The following C10orf67 variants were observed in gnomAD, a reference collection of about 807,000 sequenced individuals.
C10orf67 encodes uncharacterized protein C10orf67, mitochondrial.
In C10orf67, 60 loss-of-function variants were observed where a neutral mutation model predicts 35.6. The ratio of observed to expected loss-of-function variants is 1.68; its 90% CI spans 1.37 to 2.09. The LOEUF (loss-of-function observed/expected upper bound fraction) is 2.09. Ranked by LOEUF, C10orf67 falls within the 30% of genes most tolerant of loss-of-function variation. The pLI is 0.00. For synonymous variants in C10orf67, 167 were observed against 115.8 expected (o/e 1.44, Z -2.84); for missense variants, 474 against 330.2 (o/e 1.44, Z -3.38).
chr10:23,308,604 T>C (rs1451298548), intron 4 of C10orf67, among the ~76,000 whole-genome samples: 1 of 152,120 alleles, frequency 6.6e-6, no homozygotes, highest in Admixed American at 6.6e-5. Context: ...AGTTCCCTCT[T>C]AGCCGACCCA....
intron 15 of C10orf67, among the ~76,000 whole-genome samples, chr10:23,207,030 C>T (rs1323185069): frequency 3.3e-5 from 5 of 152,198 alleles, no homozygotes; most frequent in Non-Finnish European, 7.3e-5. Flanking sequence ...CTGTGCCATA[C>T]TCTTGATAAA....
chr10:23,317,773 CT>C (rs1265523571), intron 4 of C10orf67: 1 of 152,014 alleles, frequency 6.6e-6, no homozygotes, highest in Non-Finnish European at 1.5e-5. Context: ...CTCCTTCCCT[CT>C]TTCTCTTTCT....
chr10:23,267,381 G>A, intron 8 of C10orf67, 127 bp from the exon 9 acceptor site: 6 of 527,486 alleles, frequency 1.1e-5, no homozygotes, highest in East Asian at 2.9e-5. Context: ...AAACGATTAT[G>A]GGATAAAAGT....
At chr10:23,261,629 T>A (rs913257000) in intron 10 of C10orf67, among the ~76,000 whole-genome samples, 5 of 152,180 alleles carry the variant, frequency 3.3e-5, no homozygotes, top group African/African-American at 1.2e-4. Flanking sequence ...AAGATTTTTT[T>A]AAAGCCTAAA....
intron 12 of C10orf67, among the ~76,000 whole-genome samples, chr10:23,245,602 T>C (rs913818375): frequency 3.9e-5 from 6 of 151,984 alleles, no homozygotes; most frequent in African/African-American, 1.4e-4. Flanking sequence ...ATATGAAAAA[T>C]TGCTCAATAT....
chr10:23,206,838 T>C (rs1841170333), intron 15 of C10orf67, among the ~76,000 whole-genome samples: 1 of 152,214 alleles, frequency 6.6e-6, no homozygotes, highest in African/African-American at 2.4e-5. Context: ...GTTTATAATT[T>C]ATTATTAGAG....
chr10:23,319,648 T>C (rs1332167970), intron 4 of C10orf67, among the ~76,000 whole-genome samples: 1 of 152,222 alleles, frequency 6.6e-6, no homozygotes, highest in East Asian at 1.9e-4. Flanking sequence ...AGTGTTCCCT[T>C]TTCTCTGCAA....
intron 13 of C10orf67, among the ~76,000 whole-genome samples, chr10:23,224,355 A>T (rs1050464710): frequency 2.0e-5 from 3 of 152,234 alleles, no homozygotes; most frequent in Non-Finnish European, 1.5e-5. Flanking sequence ...CAGAAAGGAC[A>T]TCCACACCAA....
chr10:23,308,854 T>G (rs111252766), intron 4 of C10orf67, among the ~76,000 whole-genome samples: 3 of 152,212 alleles, frequency 2.0e-5, no homozygotes, highest in African/African-American at 7.2e-5. Context: ...GTAAGTATTA[T>G]ATCCCAGCAT....
intron 10 of C10orf67, among the ~76,000 whole-genome samples, chr10:23,251,924 G>A (rs781351304): frequency 7.2e-5 from 11 of 152,224 alleles, no homozygotes; most frequent in Admixed American, 2.0e-4. Flanking sequence ...TCCTCTGGCC[G>A]TCTTCACTGT....
intron 13 of C10orf67, among the ~76,000 whole-genome samples, chr10:23,228,345 T>G (rs1271066040): frequency 1.3e-5 from 2 of 152,136 alleles, no homozygotes; most frequent in Non-Finnish European, 2.9e-5. Context: ...GGGGAAAGGA[T>G]TCCCTATTTA....
At chr10:23,226,315 T>A (rs1203724315) in intron 13 of C10orf67, among the ~76,000 whole-genome samples, 2 of 152,102 alleles carry the variant, frequency 1.3e-5, no homozygotes, top group Admixed American at 6.5e-5. Context: ...ACATGGAAAC[T>A]GAACAACCTG....
Position 23,250,446 on chromosome 10 carries a change from A to G in C10orf67, c.1346+9T>C, listed in dbSNP as rs1842417498. On this transcript the variant is annotated intron_variant, in intron 12 of 15. Coordinates refer to ENST00000636213, the MANE Select transcript of C10orf67 (RefSeq NM_001371909.1). ...TTTAGAAATAGAATTTGTATATTTC[A>G]CACCATACCTGTTCCTGAGAATAAA... 5.0e-6 allele frequency: 2 copies of G among 398,524 alleles called. No individual in the cohort carries two copies. Among genetic ancestry groups the G allele is most frequent in the Non-Finnish European group, 8.9e-6 (2 of 225,784 alleles). The allele number at this position is 398,524 out of a possible 1,614,324, so 24.7% of individuals were successfully genotyped here.
intron 2 of C10orf67, among the ~76,000 whole-genome samples, chr10:23,324,430 G>C (rs564789841): frequency 6.6e-6 from 1 of 152,156 alleles, no homozygotes; most frequent in African/African-American, 2.4e-5. Context: ...ACCCTACACT[G>C]GTTTCACCTC....
At chr10:23,323,919 A>ATATG (rs1845070960) in intron 2 of C10orf67, among the ~76,000 whole-genome samples, 1 of 35,108 alleles carries the variant, frequency 2.8e-5, no homozygotes, top group South Asian at 1.2e-3. Flanking sequence ...ATATATATAT[A>ATATG]TATATATATA....
chr10:23,229,184 C>T (rs1319318684), intron 13 of C10orf67, among the ~76,000 whole-genome samples: 3 of 151,924 alleles, frequency 2.0e-5, no homozygotes, highest in Non-Finnish European at 4.4e-5. Flanking sequence ...GGAACCAACC[C>T]AAATGTCCAT....
At chr10:23,262,439 A>G (rs1254127172) in intron 10 of C10orf67, among the ~76,000 whole-genome samples, 1 of 152,082 alleles carries the variant, frequency 6.6e-6, no homozygotes, top group African/African-American at 2.4e-5. Context: ...CCAAGTCGCT[A>G]TCATCTGTGG....
intron 4 of C10orf67, among the ~76,000 whole-genome samples, chr10:23,310,586 A>G (rs1192544144): frequency 6.6e-6 from 1 of 152,136 alleles, no homozygotes; most frequent in Non-Finnish European, 1.5e-5. Context: ...TTCTGCTGGC[A>G]TCCTGTCACC....
intron 1 of C10orf67, among the ~76,000 whole-genome samples, chr10:23,335,178 A>C (rs1400983558): frequency 6.7e-6 from 1 of 148,568 alleles, no homozygotes; most frequent in Non-Finnish European, 1.5e-5. Context: ...ACAGAGCAAG[A>C]TTCTGTCTCA....
Sources: gnomAD v4.1 joint callset for allele counts (sites outside exome capture counted in the v4.1 genomes callset) on GRCh38, gnomAD v4.1.1 for gene constraint, MANE v1.5 for transcripts, NCBI Gene and HGNC (gene_info 2026-07-23, HGNC 2026-07-21) for gene names.